The following TNFSF4 variants were observed in gnomAD, a reference collection of about 807,000 sequenced individuals.
TNFSF4 encodes the protein TNF superfamily member 4, also known as tumor necrosis factor ligand superfamily member 4.
In TNFSF4, 4 loss-of-function variants were observed where a neutral mutation model predicts 7.3. That is an observed-to-expected ratio of 0.55 (90% CI 0.27 to 1.25). The LOEUF is 1.25. TNFSF4 is among the 50% of genes most tolerant of loss of function. The probability of loss-of-function intolerance (pLI) is 0.12; values close to 1 mark genes in which losing one functional copy is unlikely to be tolerated. For missense variants in TNFSF4, 181 were observed against 208.8 expected, an observed-to-expected ratio of 0.87 and a Z score of 0.82; for synonymous variants, 76 against 83.7, an observed-to-expected ratio of 0.91 and a Z score of 0.50.
At chr1:173,293,756 T>C in the TNFSF4 span, among the ~76,000 whole-genome samples, 3 of 151,520 alleles carry the variant, frequency 2.0e-5, no homozygotes, top group Non-Finnish European at 4.4e-5. Flanking sequence ...ATAAGGAACT[T>C]AATGCATCAA....
chr1:173,348,237 C>T, the TNFSF4 span, among the ~76,000 whole-genome samples: 1 of 152,074 alleles, frequency 6.6e-6, no homozygotes, highest in South Asian at 2.1e-4. Flanking sequence ...GGGCAGTTTC[C>T]CCCATACTGT....
At chr1:173,294,602 TA>T in the TNFSF4 span, among the ~76,000 whole-genome samples, 1 of 151,890 alleles carries the variant, frequency 6.6e-6, no homozygotes, top group South Asian at 2.1e-4. Flanking sequence ...AAAAGTTTTT[TA>T]AAAGTAAAAA....
At chr1:173,292,363 C>T in the TNFSF4 span, among the ~76,000 whole-genome samples, 1 of 152,026 alleles carries the variant, frequency 6.6e-6, no homozygotes, top group Non-Finnish European at 1.5e-5. Flanking sequence ...CACCACATAA[C>T]AGAATTAAAA....
chr1:173,435,051 G>C, the TNFSF4 span, among the ~76,000 whole-genome samples: 4 of 152,180 alleles, frequency 2.6e-5, no homozygotes, highest in Admixed American at 2.6e-4. Flanking sequence ...CCAATGGAAG[G>C]CTGAGGGGAC....
chr1:173,229,359 A>G, the TNFSF4 span, among the ~76,000 whole-genome samples: 1 of 152,182 alleles, frequency 6.6e-6, no homozygotes. Context: ...GAGAAATAAA[A>G]TCCTTTACAG....
chr1:173,368,971 A>G, the TNFSF4 span, among the ~76,000 whole-genome samples: 1 of 152,140 alleles, frequency 6.6e-6, no homozygotes, highest in African/African-American at 2.4e-5. Flanking sequence ...ACCCAGGCTC[A>G]CCAATAAGAA....
chr1:173,269,974 GC>G, the TNFSF4 span, among the ~76,000 whole-genome samples: 1 of 152,144 alleles, frequency 6.6e-6, no homozygotes, highest in African/African-American at 2.4e-5. Context: ...GATGCCTCCA[GC>G]CTGGAAGGTT....
At chr1:173,290,808 C>T in the TNFSF4 span, among the ~76,000 whole-genome samples, 3 of 152,094 alleles carry the variant, frequency 2.0e-5, no homozygotes, top group East Asian at 1.9e-4. Flanking sequence ...GGCACATACT[C>T]GAAGACCAAC....
the TNFSF4 span, among the ~76,000 whole-genome samples, chr1:173,240,502 T>A: frequency 1.3e-5 from 2 of 152,196 alleles, no homozygotes; most frequent in Non-Finnish European, 2.9e-5. Flanking sequence ...CTGAGGTCTA[T>A]CCATGTTGCT....
the TNFSF4 span, among the ~76,000 whole-genome samples, chr1:173,383,243 G>A: frequency 1.3e-5 from 2 of 152,102 alleles, no homozygotes; most frequent in Non-Finnish European, 2.9e-5. Flanking sequence ...GCCCAAAATA[G>A]CAATCCATGC....
the TNFSF4 span, among the ~76,000 whole-genome samples, chr1:173,288,988 C>T: frequency 1.3e-5 from 2 of 151,878 alleles, no homozygotes; most frequent in African/African-American, 2.4e-5. Flanking sequence ...TCTTGATTTC[C>T]ACCTGGAGGA....
the TNFSF4 span, among the ~76,000 whole-genome samples, chr1:173,340,665 G>A: frequency 6.6e-6 from 1 of 152,132 alleles, no homozygotes; most frequent in Admixed American, 6.6e-5. Flanking sequence ...AGACACAGGT[G>A]AATGCTTTGG....
At chr1:173,448,548 T>C in the TNFSF4 span, among the ~76,000 whole-genome samples, 4 of 152,112 alleles carry the variant, frequency 2.6e-5, no homozygotes, top group African/African-American at 9.7e-5. Flanking sequence ...GGCCATTTTA[T>C]AAGATTTGGG....
chr1:173,238,918 G>A, the TNFSF4 span, among the ~76,000 whole-genome samples: 52 of 152,170 alleles, frequency 3.4e-4, no homozygotes, highest in African/African-American at 1.1e-3. Flanking sequence ...AGACCTCAGG[G>A]GGATAGAGAA....
chr1:173,173,608 C>T, the TNFSF4 span, among the ~76,000 whole-genome samples: 1 of 152,202 alleles, frequency 6.6e-6, no homozygotes, highest in Admixed American at 6.5e-5. Flanking sequence ...GCAGAGGTAC[C>T]CAAACCTTAA....
the TNFSF4 span, among the ~76,000 whole-genome samples, chr1:173,330,311 G>A: frequency 8.8e-6 from 1 of 113,976 alleles, no homozygotes; most frequent in African/African-American, 3.1e-5. Context: ...AATATTAATT[G>A]ACAATATTAA....
chr1:173,438,609 A>G, the TNFSF4 span, among the ~76,000 whole-genome samples: 6 of 152,210 alleles, frequency 3.9e-5, no homozygotes, highest in Admixed American at 3.9e-4. Context: ...TCTGATATAT[A>G]GAATTAAAAA....
chr1:173,337,061 G>A, the TNFSF4 span, among the ~76,000 whole-genome samples: 2 of 152,142 alleles, frequency 1.3e-5, no homozygotes. Context: ...AAGCTAATCT[G>A]CTATTGAGCC....
At chr1:173,317,009 C>T in the TNFSF4 span, among the ~76,000 whole-genome samples, 14 of 152,278 alleles carry the variant, frequency 9.2e-5, no homozygotes, top group African/African-American at 3.4e-4. Flanking sequence ...TAGTGACTTA[C>T]ATAACCAACA....
Sources: gnomAD v4.1 joint callset for allele counts (sites outside exome capture counted in the v4.1 genomes callset) on GRCh38, gnomAD v4.1.1 for gene constraint, MANE v1.5 for transcripts, NCBI Gene and HGNC (gene_info 2026-07-23, HGNC 2026-07-21) for gene names.